The following SPTBN4 variants were observed in gnomAD, a reference collection of about 807,000 sequenced individuals.
SPTBN4 encodes spectrin beta chain, non-erythrocytic 4.
Under a neutral mutation model 277.8 loss-of-function variants are expected in SPTBN4, and 96 were observed. The observed-to-expected ratio is 0.35, with a 90% CI of 0.29 to 0.41. SPTBN4 has a LOEUF of 0.41. SPTBN4 is among the 10% of genes least tolerant of loss of function. SPTBN4 has a pLI of 1.00. For missense variants in SPTBN4, 3,006 were observed against 3,595.7 expected (o/e 0.84, Z 4.19); for synonymous variants, 1,481 against 1,580.3 (o/e 0.94, Z 1.49).
rs149678413 is a variant in SPTBN4 at position 40,479,856 on chromosome 19, C to T, written c.169+7066C>T. 3.4e-3 allele frequency among the ~76,000 whole-genome samples: 509 copies of T among 150,890 alleles called. 5 individuals are homozygous for T. Among genetic ancestry groups the T allele is most frequent in the Middle Eastern group, 6.8e-3 (2 of 294 alleles). On this transcript the variant is annotated intron_variant, in intron 2 of 35. Transcript: ENST00000598249. ...GTGACTCATGCCTGTAATCCGAGTG[C>T]GTTGGGAAACTGAGGCATGATGATC...
chr19:40,574,658 G>A (rs1211836847), intron 35 of SPTBN4, among the ~76,000 whole-genome samples: 2 of 151,230 alleles, frequency 1.3e-5, no homozygotes, highest in East Asian at 2.0e-4. Context: ...CACCACACCC[G>A]GCCAGAAGTA....
At chr19:40,542,082 C>T (rs1483468199) in intron 20 of SPTBN4, among the ~76,000 whole-genome samples, 7 of 152,128 alleles carry the variant, frequency 4.6e-5, no homozygotes, top group African/African-American at 7.2e-5. Flanking sequence ...CCACCACGCC[C>T]GGCTAATTTT....
At chr19:40,532,937 A>G (rs2080695077) in intron 19 of SPTBN4, among the ~76,000 whole-genome samples, 166 bp downstream of exon 19, 2 of 152,186 alleles carry the variant, frequency 1.3e-5, no homozygotes. Context: ...TGAGTGATTC[A>G]TGTAACATCT....
chr19:40,554,636 C>A lies in SPTBN4; in HGVS notation c.5074C>A (p.His1692Asn). The change falls in exon 24 of 36, where the codon CAC becomes AAC. Residue 1692 changes from histidine to asparagine, a missense_variant. His to Asn is a moderately conservative substitution (Grantham distance 68). Transcript: ENST00000598249. The surrounding 1 kb of genome is among the most constrained non-coding windows in gnomAD (Gnocchi z 5.7). ...GTGCCGGGCGCTGCTGGAGATGGGG[C>A]ACCCGGACAGGTGGGCGGGCGCGTG... ...RQCRALLEMG[H>N]PDSEQISRRQ... 6.3e-7 allele frequency: 1 copy of A among 1,587,940 alleles called. No individual in the cohort carries two copies. Among genetic ancestry groups the A allele is most frequent in the Non-Finnish European group, 8.6e-7 (1 of 1,166,646 alleles).
chr19:40,523,722 C>T, intron 17 of SPTBN4, 83 bp downstream of exon 17: 1 of 1,293,822 alleles, frequency 7.7e-7, no homozygotes, highest in Non-Finnish European at 1.1e-6. Context: ...AGGCCAGGGT[C>T]CCACTCCTTT....
rs1319179145 is a variant in SPTBN4 at position 40,554,488 on chromosome 19, C to G, written c.4954-28C>G. 1 of 1,484,178 alleles carries G rather than the reference C, an allele frequency of 6.7e-7. No homozygotes were observed. Among genetic ancestry groups the G allele is most frequent in the Non-Finnish European group, 9.0e-7 (1 of 1,113,698 alleles). The allele number at this position is 1,484,178 out of a possible 1,614,324, so 91.9% of individuals were successfully genotyped here. On this transcript the variant is annotated intron_variant, in intron 23 of 35. Transcript: ENST00000598249. This position sits in a 1 kb window ranked among gnomAD's most constrained non-coding sequence, Gnocchi z 5.7. ...CTGGAGCCGGGGGCCGCCGCTGCCG[C>G]CTCATCGTGGGCGCTTTGTGCCCCC... is the stretch of plus-strand genomic sequence containing the variant.
rs761468551 is a variant in SPTBN4, at chr19:40,565,568, A to C, written c.6054+7A>C. On this transcript the variant is annotated splice_region_variant and intron_variant, in intron 28 of 35. Transcript: ENST00000598249. ...AAGTGCCATGGCTGATGAGGTGGGGAGCAGGGAGGGGGTCCCCCTCTGCCA... is the reference window on the plus strand; with the variant it reads ...AAGTGCCATGGCTGATGAGGTGGGGCGCAGGGAGGGGGTCCCCCTCTGCCA... 1 of 1,612,716 alleles carries C rather than the reference A, an allele frequency of 6.2e-7. No homozygotes were observed. Among genetic ancestry groups the C allele is most frequent in the South Asian group, 1.1e-5 (1 of 90,898 alleles).
At chr19:40,474,993 C>T (rs548656947) in intron 2 of SPTBN4, among the ~76,000 whole-genome samples, 2 of 152,128 alleles carry the variant, frequency 1.3e-5, no homozygotes, top group East Asian at 1.9e-4. Flanking sequence ...CCTCGGCCTC[C>T]GAAAGTGCTT....
rs2080890858 is a variant in SPTBN4 at position 40,549,290 on chromosome 19, T to TGAGCGGCAGAACGCGGTGGGC, written c.4467_4487dup (p.Gln1490_Arg1496dup). ...AGCCGGCGAGCAAGGAGCTGGTGGG[T>TGAGCGGCAGAACGCGGTGGGC]GAGCGGCAGAACGCGGTGGGCGAGC... On this transcript the variant is annotated inframe_insertion, in exon 21 of 36. Coordinates refer to ENST00000598249, the MANE Select transcript of SPTBN4 (RefSeq NM_020971.3). 6.5e-7 allele frequency: 1 copy of TGAGCGGCAGAACGCGGTGGGC among 1,543,456 alleles called. No individual in the cohort carries two copies. Among genetic ancestry groups the TGAGCGGCAGAACGCGGTGGGC allele is most frequent in the Admixed American group, 2.0e-5 (1 of 50,914 alleles).
chr19:40,514,749 G>T (rs2080434591), intron 14 of SPTBN4, among the ~76,000 whole-genome samples: 1 of 152,174 alleles, frequency 6.6e-6, no homozygotes, highest in Non-Finnish European at 1.5e-5. Context: ...CATTGAAGAA[G>T]GGTGTGAAGG....
At chr19:40,534,680 A>T (rs2080715306) in intron 20 of SPTBN4, 2 of 302,124 alleles carry the variant, frequency 6.6e-6, no homozygotes, top group Non-Finnish European at 1.3e-5. Flanking sequence ...ATGGCTTTGC[A>T]TGGAATAACA....
intron 2 of SPTBN4, among the ~76,000 whole-genome samples, chr19:40,478,636 C>A (rs939353794): frequency 6.6e-6 from 1 of 152,064 alleles, no homozygotes; most frequent in African/African-American, 2.4e-5. Context: ...ACCTCTGCCT[C>A]CTGGGTTCAA....
chr19:40,470,866 C>T (rs1568749493), intron 1 of SPTBN4, among the ~76,000 whole-genome samples: 5 of 143,206 alleles, frequency 3.5e-5, no homozygotes, highest in Non-Finnish European at 7.6e-5. Flanking sequence ...CTCCTCACCT[C>T]GTGATCCGCC....
rs1376637218 is a variant in SPTBN4 at position 40,567,844 on chromosome 19, G to T, written c.6518G>T (p.Arg2173Leu). 6.6e-7 allele frequency: 1 copy of T among 1,522,606 alleles called. No individual in the cohort carries two copies. Among genetic ancestry groups the T allele is most frequent in the African/African-American group, 1.4e-5 (1 of 69,682 alleles). 94.3% of individuals were successfully genotyped at this position (1,522,606 alleles called of 1,614,324 possible). A position where few individuals can be genotyped will look rare whatever the true frequency, so the allele number is the denominator to read the frequency against. Residue 2173 changes from arginine (R) to leucine (L), a missense_variant, in exon 31 of 36, where the codon CGG becomes CTG. By Grantham distance (102) the Arg-to-Leu change is moderately radical. This residue lies in a region of SPTBN4 where 630 missense variants were observed against 677.6 expected (regional missense o/e 0.93). Coordinates refer to ENST00000598249, the MANE Select transcript of SPTBN4 (RefSeq NM_020971.3). ...RASDTLSAEV[R>L]TRVGYVRQEL... ...TCGGACACGCTCTCGGCCGAGGTGCGGACTCGGGTGGGGTATGTGCGCCAG... is the reference window on the plus strand; with the variant it reads ...TCGGACACGCTCTCGGCCGAGGTGCTGACTCGGGTGGGGTATGTGCGCCAG...
At chr19:40,563,453 T>TA (rs1416603175) in intron 27 of SPTBN4, among the ~76,000 whole-genome samples, 1 of 152,100 alleles carries the variant, frequency 6.6e-6, no homozygotes, top group Non-Finnish European at 1.5e-5. Context: ...GCGAGCCACA[T>TA]ATATACTTTA....
chr19:40,486,325 A>G (rs913873136), intron 2 of SPTBN4, among the ~76,000 whole-genome samples: 6 of 151,914 alleles, frequency 3.9e-5, no homozygotes, highest in Non-Finnish European at 7.4e-5. Context: ...GGAAACAGCA[A>G]GTGTTGGCAA....
intron 27 of SPTBN4, among the ~76,000 whole-genome samples, chr19:40,561,817 C>T (rs187134351): frequency 2.1e-5 from 3 of 144,050 alleles, no homozygotes; most frequent in Admixed American, 7.0e-5. Context: ...AGCAAAACTC[C>T]GTCTCAAAAA....
Position 40,556,071 on chromosome 19 carries a change from T to C in SPTBN4, c.5085-13T>C, listed in dbSNP as rs370217200. The C allele has an allele frequency of 7.5e-6, 12 of 1,605,596 alleles. No homozygotes were observed. Among genetic ancestry groups the C allele is most frequent in the South Asian group, 4.4e-5 (4 of 90,502 alleles). ...TCAGGGGTCCATCCCTGCCCCTCCA[T>C]GTCCCCCTTCAGCGAGCAGATCAGC... On this transcript the variant is annotated splice_polypyrimidine_tract_variant and intron_variant, in intron 24 of 35. Transcript: ENST00000598249.
At chr19:40,547,731 G>A (rs1278506642) in intron 20 of SPTBN4, among the ~76,000 whole-genome samples, 1 of 152,190 alleles carries the variant, frequency 6.6e-6, no homozygotes, top group Non-Finnish European at 1.5e-5. Context: ...TCTAACTGGT[G>A]TGAGATGATA....
Sources: allele counts gnomAD v4.1 joint callset (sites outside exome capture counted in the v4.1 genomes callset), GRCh38; gene constraint gnomAD v4.1.1; regional missense constraint gnomAD v4.1.1; non-coding constraint Gnocchi (gnomAD v3.1); transcripts MANE v1.5; gene names NCBI Gene and HGNC (gene_info 2026-07-23, HGNC 2026-07-21).